The following ALG9 variants were observed in gnomAD, a reference collection of about 807,000 sequenced individuals.
The protein encoded by ALG9 is alpha-1,2-mannosyltransferase ALG9.
A neutral mutation model predicts 81.8 loss-of-function variants in ALG9; 55 were observed. The observed-to-expected ratio is 0.67, with a 90% CI of 0.54 to 0.84. The LOEUF is 0.84. ALG9 is among the 40% of genes least tolerant of loss of function. The probability of loss-of-function intolerance (pLI) is 0.00; values close to 1 mark genes in which losing one functional copy is unlikely to be tolerated. For synonymous variants in ALG9, 278 were observed against 274.3 expected (o/e 1.01, Z -0.13); for missense variants, 629 against 745.0 (o/e 0.84, Z 1.81).
chr11:111,870,122 A>G, intron 2 of ALG9, 110 bp downstream of exon 2: 1 of 1,239,966 alleles, frequency 8.1e-7, no homozygotes. Context: ...TTAAGAAAAT[A>G]CAGTTATTTT....
At chr11:111,864,183 GA>G (rs2137201658) in intron 4 of ALG9, 1 of 588,640 alleles carries the variant, frequency 1.7e-6, no homozygotes, top group South Asian at 2.0e-5. Context: ...ATAAAAGCAA[GA>G]AGTTTTCAGT....
chr11:111,778,697 G>A (rs615642), downstream of ALG9, among the ~76,000 whole-genome samples: 96,673 of 151,792 alleles, frequency 0.64, 30,941 homozygotes, highest in East Asian at 0.77. Context: ...CTAGCTACCT[G>A]TTAGCTAGAT....
At chr11:111,827,344 C>A (rs1202046870) in intron 13 of ALG9, among the ~76,000 whole-genome samples, 1 of 151,964 alleles carries the variant, frequency 6.6e-6, no homozygotes, top group South Asian at 2.1e-4. Flanking sequence ...GGCGGGGTGG[C>A]GCATGCCTGT....
At chr11:111,832,301 G>A (rs1479828574) in intron 13 of ALG9, among the ~76,000 whole-genome samples, 1 of 151,968 alleles carries the variant, frequency 6.6e-6, no homozygotes, top group Admixed American at 6.6e-5. Flanking sequence ...TTCAGAGAGA[G>A]GGTCCTGCTA....
intron 14 of ALG9, among the ~76,000 whole-genome samples, chr11:111,795,547 G>C (rs367971810): frequency 2.8e-4 from 43 of 152,168 alleles, no homozygotes; most frequent in African/African-American, 1.0e-3. Context: ...TTATCCATGT[G>C]ACCAGTATGA....
intron 14 of ALG9, among the ~76,000 whole-genome samples, chr11:111,786,794 C>A (rs1404137461): frequency 6.6e-6 from 1 of 152,084 alleles, no homozygotes; most frequent in Non-Finnish European, 1.5e-5. Context: ...TTAGAATGTG[C>A]CATAGAAAAA....
intron 4 of ALG9, among the ~76,000 whole-genome samples, chr11:111,862,881 C>T (rs559727342): frequency 7.2e-5 from 11 of 151,916 alleles, no homozygotes; most frequent in Admixed American, 6.6e-5. Context: ...TTCAGGTGAA[C>T]GTTCTGTTGA....
intron 13 of ALG9, among the ~76,000 whole-genome samples, chr11:111,830,697 A>T (rs1555112822): frequency 6.6e-6 from 1 of 152,158 alleles, no homozygotes; most frequent in East Asian, 1.9e-4. Context: ...TTTTTCCTCC[A>T]ATAAGGACTT....
chr11:111,870,808 T>G (rs1964081980), intron 1 of ALG9: 4 of 1,007,852 alleles, frequency 4.0e-6, no homozygotes, highest in Middle Eastern at 5.0e-4. Context: ...CTCCTTTTCT[T>G]TCTTTTCTTA....
At chr11:111,855,525 C>A (rs782284063) in intron 6 of ALG9, among the ~76,000 whole-genome samples, 3 of 152,130 alleles carry the variant, frequency 2.0e-5, no homozygotes, top group African/African-American at 7.2e-5. Flanking sequence ...TCAGGAGATA[C>A]AACCAATTAA....
intron 5 of ALG9, among the ~76,000 whole-genome samples, chr11:111,859,813 T>A (rs1203927540): frequency 6.6e-6 from 1 of 152,112 alleles, no homozygotes; most frequent in African/African-American, 2.4e-5. Context: ...TGTTTTTGTG[T>A]ATACTCTGTA....
intron 3 of ALG9, among the ~76,000 whole-genome samples, chr11:111,866,985 C>T (rs1555153770): frequency 6.6e-6 from 1 of 152,160 alleles, no homozygotes; most frequent in Non-Finnish European, 1.5e-5. Flanking sequence ...ATCCCAGCCA[C>T]TCAGGAGGCT....
intron 13 of ALG9, among the ~76,000 whole-genome samples, chr11:111,814,160 G>C (rs1393324349): frequency 6.6e-6 from 1 of 152,122 alleles, no homozygotes; most frequent in Admixed American, 6.5e-5. Context: ...TTGTGGTAAA[G>C]TCATACAATG....
At chr11:111,853,336 T>C in intron 8 of ALG9, 44 bp downstream of exon 8, 1 of 1,386,560 alleles carries the variant, frequency 7.2e-7, no homozygotes, top group Non-Finnish European at 1.0e-6. Context: ...TTCAGGCAAA[T>C]TAAGCTATCT....
At chr11:111,841,580 T>C (rs1051666069) in intron 9 of ALG9, among the ~76,000 whole-genome samples, 2 of 152,212 alleles carry the variant, frequency 1.3e-5, no homozygotes, top group South Asian at 2.1e-4. Context: ...AGTGAAGGCA[T>C]CTCCTACTGC....
At chr11:111,857,823 C>T in intron 5 of ALG9, 86 bp from the exon 6 acceptor site, 1 of 1,466,944 alleles carries the variant, frequency 6.8e-7, no homozygotes, top group Admixed American at 1.8e-5. Flanking sequence ...TAAAAATTTA[C>T]CTACATTATA....
intron 14 of ALG9, among the ~76,000 whole-genome samples, chr11:111,807,789 T>G (rs1458407703): frequency 6.6e-6 from 1 of 152,100 alleles, no homozygotes; most frequent in Non-Finnish European, 1.5e-5. Context: ...AGACCCCGTC[T>G]CAAAAAAAAA....
Position 111,857,689 on chromosome 11 carries a change from G to C in ALG9, c.614C>G (p.Thr205Ser). The change falls in exon 6 of 15, where the codon ACT becomes AGT. Residue 205 changes from threonine (T) to serine (S), a missense_variant. Transcript: ENST00000616540. ...FCMYTTLIAM[T>S]GWYMDKTSIA... is the part of the protein sequence containing the mutation. ...GGAAGTCTTGTCCATATACCATCCA[G>C]TCATGGCTATCAACGTAGTGTACAT... 6.2e-7 allele frequency: 1 copy of C among 1,614,158 alleles called. No individual in the cohort carries two copies. The highest frequency in any genetic ancestry group is 8.5e-7 in the Non-Finnish European group (1 of 1,180,032).
intron 14 of ALG9, among the ~76,000 whole-genome samples, chr11:111,795,200 G>A (rs369180314): frequency 1.3e-5 from 2 of 152,184 alleles, no homozygotes; most frequent in African/African-American, 2.4e-5. Context: ...ATGAATGAGC[G>A]CCTATGCTCT....
Sources: gnomAD v4.1 joint callset for allele counts (sites outside exome capture counted in the v4.1 genomes callset) on GRCh38, gnomAD v4.1.1 for gene constraint, MANE v1.5 for transcripts, NCBI Gene and HGNC (gene_info 2026-07-23, HGNC 2026-07-21) for gene names.